Variants in PASK observed in about 807,000 individuals in gnomAD.
PASK encodes the protein PAS domain-containing serine/threonine-protein kinase.
A neutral mutation model predicts 121.0 loss-of-function variants in PASK; 110 were observed. That is an observed-to-expected ratio of 0.91 (90% confidence interval 0.78 to 1.06). PASK has a LOEUF of 1.06. PASK is among the 50% of genes least tolerant of loss of function. The pLI is 0.00. For synonymous variants in PASK, 686 were observed against 717.8 expected (o/e 0.96, Z 0.71); for missense variants, 1,643 against 1,702.3 (o/e 0.97, Z 0.61).
intron 12 of PASK, among the ~76,000 whole-genome samples, chr2:241,116,673 A>T (rs1009842762): frequency 6.6e-6 from 1 of 152,268 alleles, no homozygotes; most frequent in African/African-American, 2.4e-5. Context: ...ACAGTCAATG[A>T]TAGTCAAAGT....
At chr2:241,131,082 C>T (rs182979224) in intron 9 of PASK, among the ~76,000 whole-genome samples, 132 of 152,030 alleles carry the variant, frequency 8.7e-4, no homozygotes, top group African/African-American at 2.4e-3. Context: ...GATTGGAAGA[C>T]GGCCAGGGGA....
chr2:241,116,013 A>G (rs930669566), intron 12 of PASK, among the ~76,000 whole-genome samples: 2 of 133,332 alleles, frequency 1.5e-5, no homozygotes, highest in African/African-American at 6.8e-5. Flanking sequence ...TCGGTCCTCA[A>G]GCATCCCATT....
chr2:241,140,523 C>T lies in PASK; in HGVS notation c.427G>A (p.Glu143Lys), dbSNP rs2066653128. ...AIFTVDAKTT[E>K]ILVANDKACG... ...GGATCTAAAAGAGAAGCAAATACCT[C>T]TGTGGTCTTGGCATCCACCGTGAAG... is the stretch of plus-strand genomic sequence containing the variant. Residue 143 changes from glutamate (E) to lysine (K), a missense_variant and splice_region_variant, in exon 3 of 18, where the codon GAG (glutamate) becomes AAG (lysine). Glu to Lys is a moderately conservative substitution (Grantham distance 56). Coordinates refer to ENST00000234040, the MANE Select transcript of PASK (RefSeq NM_015148.4). 1 of 1,603,252 alleles carries T rather than the reference C, an allele frequency of 6.2e-7. No individual in the cohort carries two copies. Among genetic ancestry groups the T allele is most frequent in the Non-Finnish European group, 8.5e-7 (1 of 1,171,110 alleles).
intron 12 of PASK, among the ~76,000 whole-genome samples, chr2:241,120,910 G>A (rs773434196): frequency 6.6e-6 from 1 of 152,094 alleles, no homozygotes; most frequent in African/African-American, 2.4e-5. Context: ...CCAAAAAATG[G>A]AAACAACACA....
intron 9 of PASK, among the ~76,000 whole-genome samples, chr2:241,130,646 C>T (rs776094578): frequency 7.2e-5 from 11 of 152,116 alleles, no homozygotes; most frequent in Non-Finnish European, 1.5e-4. Flanking sequence ...CTGTTCCACT[C>T]GCAGTGGAAG....
At chr2:241,148,530 G>A (rs1234986580) in intron 1 of PASK, among the ~76,000 whole-genome samples, 1 of 152,356 alleles carries the variant, frequency 6.6e-6, no homozygotes, top group Middle Eastern at 3.4e-3. Flanking sequence ...GAGGAGTTCA[G>A]TACCCAGAAG....
intron 9 of PASK, among the ~76,000 whole-genome samples, chr2:241,132,607 C>G (rs975452044): frequency 1.1e-4 from 16 of 146,504 alleles, no homozygotes; most frequent in Non-Finnish European, 2.1e-4. Flanking sequence ...CCTCAACATT[C>G]TGGAACTCTC....
chr2:241,124,175 C>T (rs1218677566), intron 10 of PASK, 42 bp from the exon 11 acceptor site: 9 of 1,538,318 alleles, frequency 5.9e-6, no homozygotes, highest in Non-Finnish European at 7.2e-6. Flanking sequence ...CTGTGCTGAC[C>T]TGGCTAGACA....
intron 10 of PASK, 89 bp downstream of exon 10, chr2:241,126,107 A>T: frequency 8.6e-7 from 1 of 1,163,464 alleles, no homozygotes; most frequent in South Asian, 1.2e-5. Flanking sequence ...GTGAAACCCC[A>T]TCAGACCCCA....
Position 241,142,895 on chromosome 2 carries a change from T to C in PASK, c.138A>G (p.Arg46=). ...EPSRSFSSAH[R]HLSRRNGLSR... Reference sequence around the variant, plus strand: ...AAAGCCCATTCCTTCTGCTCAGGTGTCTGTGGGCTGAGGAAAACGACCTGC... The same window carrying C: ...AAAGCCCATTCCTTCTGCTCAGGTGCCTGTGGGCTGAGGAAAACGACCTGC... Residue 46 remains arginine, a synonymous_variant, in exon 2 of 18, where the codon AGA becomes AGG. Coordinates refer to ENST00000234040, the MANE Select transcript of PASK (RefSeq NM_015148.4). The C allele has an allele frequency of 1.2e-6, 2 of 1,614,070 alleles. No individual in the cohort carries two copies. The highest frequency in any genetic ancestry group is 1.7e-5 in the Admixed American group (1 of 60,026).
intron 12 of PASK, among the ~76,000 whole-genome samples, chr2:241,117,873 G>C (rs2125413013): frequency 6.6e-6 from 1 of 152,180 alleles, no homozygotes; most frequent in South Asian, 2.1e-4. Flanking sequence ...GGAAAAACTG[G>C]CAACGAATAT....
At chr2:241,127,741 G>C (rs2065940757) in intron 9 of PASK, 1 of 423,690 alleles carries the variant, frequency 2.4e-6, no homozygotes, top group African/African-American at 2.0e-5. Flanking sequence ...CTTCATCTCA[G>C]GGCCCCCAAA....
At chr2:241,122,624 C>G in intron 12 of PASK, 108 bp downstream of exon 12, 1 of 1,027,032 alleles carries the variant, frequency 9.7e-7, no homozygotes, top group Non-Finnish European at 1.5e-6. Context: ...TGCTTGGTGC[C>G]ATACCTAGAG....
chr2:241,115,721 ACCCGGTC>A (rs2065314038), intron 12 of PASK, among the ~76,000 whole-genome samples: 3 of 114,878 alleles, frequency 2.6e-5, no homozygotes, highest in African/African-American at 1.3e-4. Context: ...CACCGGGGCC[ACCCGGTC>A]CCCAAGCATC....
intron 15 of PASK, among the ~76,000 whole-genome samples, chr2:241,111,965 A>T (rs1436376875): frequency 6.6e-6 from 1 of 152,016 alleles, no homozygotes; most frequent in Admixed American, 6.5e-5. Flanking sequence ...ATTTTGGGGG[A>T]CTCTTCAATA....
At chr2:241,111,641 G>A (rs918703480) in intron 15 of PASK, among the ~76,000 whole-genome samples, 1 of 151,172 alleles carries the variant, frequency 6.6e-6, no homozygotes, top group Non-Finnish European at 1.5e-5. Context: ...TGCCCAGGCC[G>A]GCCCCCGACT....
chr2:241,126,148 C>T, intron 10 of PASK, 48 bp downstream of exon 10: 2 of 1,565,144 alleles, frequency 1.3e-6, no homozygotes, highest in Non-Finnish European at 1.8e-6. Flanking sequence ...CCCCACTGCA[C>T]TGTGCTCTGG....
At chr2:241,111,013 C>T (rs1045460801) in intron 15 of PASK, among the ~76,000 whole-genome samples, 4 of 152,228 alleles carry the variant, frequency 2.6e-5, no homozygotes, top group African/African-American at 9.6e-5. Context: ...GAGAGGTTGG[C>T]GCAGGCTGAG....
upstream of PASK, chr2:241,149,705 A>C: frequency 6.4e-7 from 1 of 1,551,242 alleles, no homozygotes; most frequent in South Asian, 1.2e-5. Flanking sequence ...CGCGATCAAA[A>C]TGGGTGAGTA....
Sources: allele counts gnomAD v4.1 joint callset (sites outside exome capture counted in the v4.1 genomes callset), GRCh38; gene constraint gnomAD v4.1.1; transcripts MANE v1.5; gene names NCBI Gene and HGNC (gene_info 2026-07-23, HGNC 2026-07-21).